The following POF1B variants were observed in gnomAD, a reference collection of about 807,000 sequenced individuals.
The protein encoded by POF1B is protein POF1B.
In POF1B, 53 loss-of-function variants were observed where a neutral mutation model predicts 55.3. The ratio of observed to expected loss-of-function variants is 0.96; its 90% CI spans 0.77 to 1.20. The LOEUF (loss-of-function observed/expected upper bound fraction) is 1.20. Ranked by LOEUF, POF1B falls within the 50% of genes most tolerant of loss-of-function variation. The pLI, the probability that POF1B is intolerant of heterozygous loss-of-function variation, is 0.00. For missense variants in POF1B, 478 were observed against 420.5 expected (o/e 1.14, Z -1.20); for synonymous variants, 188 against 148.3 (o/e 1.27, Z -1.95).
At chrX:85,289,858 C>T in intron 15 of POF1B, among the ~76,000 whole-genome samples, 1 of 111,168 alleles carries the variant, frequency 9.0e-6, no homozygotes, top group South Asian at 3.8e-4. Flanking sequence ...TTCAAAATGT[C>T]TAATTTTCGA....
At chrX:85,297,483 G>A (rs1164465313) in intron 15 of POF1B, among the ~76,000 whole-genome samples, 1 of 111,844 alleles carries the variant, frequency 8.9e-6, no homozygotes, top group Non-Finnish European at 1.9e-5. Flanking sequence ...GCTTCCAGAG[G>A]GCCAAGGCTC....
intron 6 of POF1B, among the ~76,000 whole-genome samples, chrX:85,341,940 C>G (rs1933181390): frequency 9.0e-6 from 1 of 111,175 alleles, no homozygotes; most frequent in Admixed American, 9.6e-5. Flanking sequence ...CCCATGACTA[C>G]AAAAGACTTC....
intron 7 of POF1B, among the ~76,000 whole-genome samples, chrX:85,330,585 G>A (rs1932958974): frequency 9.0e-6 from 1 of 111,284 alleles, no homozygotes; most frequent in South Asian, 3.7e-4. Flanking sequence ...TCCTAAAAGG[G>A]CTTGTGTTTT....
At chrX:85,357,899 G>A (rs753281778) in intron 4 of POF1B, among the ~76,000 whole-genome samples, 6 of 110,600 alleles carry the variant, frequency 5.4e-5, no homozygotes, top group Non-Finnish European at 1.1e-4. Flanking sequence ...AATGCTACTG[G>A]TTCAAATAAA....
chrX:85,321,437 G>T (rs375745401), intron 7 of POF1B, among the ~76,000 whole-genome samples: 1 of 109,554 alleles, frequency 9.1e-6, no homozygotes, highest in Non-Finnish European at 1.9e-5. Context: ...TTGATGGGAC[G>T]TATCTCAAAA....
chrX:85,336,175 A>T (rs895819292), intron 6 of POF1B, among the ~76,000 whole-genome samples: 2 of 110,969 alleles, frequency 1.8e-5, no homozygotes, highest in East Asian at 5.7e-4. Flanking sequence ...TGTTATTGTA[A>T]CTGACAGGAT....
chrX:85,298,654 G>A (rs1430480566), intron 15 of POF1B, among the ~76,000 whole-genome samples: 1 of 112,163 alleles, frequency 8.9e-6, no homozygotes, highest in Non-Finnish European at 1.9e-5. Context: ...GTCTTTTGTG[G>A]TGGGAGAAGT....
intron 15 of POF1B, among the ~76,000 whole-genome samples, chrX:85,297,488 A>G (rs1456519589): frequency 8.9e-6 from 1 of 112,140 alleles, no homozygotes; most frequent in African/African-American, 3.2e-5. Context: ...CAGAGGGCCA[A>G]GGCTCTGTAT....
rs1933258516 is a variant in POF1B at position 85,345,860 on chromosome X, C to T, written c.723G>A (p.Gln241=). The change falls in exon 6 of 17, where the codon CAG becomes CAA. Residue 241 remains glutamine (Q), a splice_region_variant and synonymous_variant. Coordinates refer to ENST00000262753, the MANE Select transcript of POF1B (RefSeq NM_024921.4). ...CHSGSSQICE[Q]VIIQDDGPEK... Reference sequence around the variant, plus strand: ...TAAGGAATCAGCTGATTGATCTTACCTGCTCACAAATCTGGCTTGATCCAC... The same window carrying T: ...TAAGGAATCAGCTGATTGATCTTACTTGCTCACAAATCTGGCTTGATCCAC... 8.4e-7 allele frequency: 1 copy of T among 1,191,688 alleles called. No individual in the cohort carries two copies. The highest frequency in any genetic ancestry group is 1.8e-5 in the African/African-American group (1 of 56,448).
intron 4 of POF1B, among the ~76,000 whole-genome samples, chrX:85,357,464 A>G (rs113274901): frequency 0.022 from 2,436 of 110,125 alleles, 65 homozygotes; most frequent in African/African-American, 0.076. Flanking sequence ...TTTTCAATTC[A>G]TCTCATCTTC....
rs372346235 is a variant in POF1B at position 85,351,386 on chromosome X, T to C, written c.504A>G (p.Lys168=). The change falls in exon 5 of 17, where the codon AAA becomes AAG. Residue 168 remains lysine (K), a synonymous_variant. Transcript: ENST00000262753. ...FFPGNNVIYE[K]TIRKVEKLNT... is the part of the protein sequence containing the mutation. ...TTAGCTTCTCCACTTTTCTTATTGT[T>C]TTTTCATAAATAACATTGTTTCCTG... 1.7e-6 allele frequency: 2 copies of C among 1,199,369 alleles called. No homozygotes were observed. The highest frequency in any genetic ancestry group is 2.3e-6 in the Non-Finnish European group (2 of 887,639).
At chrX:85,321,899 C>A (rs1932841918) in intron 7 of POF1B, among the ~76,000 whole-genome samples, 1 of 109,546 alleles carries the variant, frequency 9.1e-6, no homozygotes, top group Non-Finnish European at 1.9e-5. Context: ...ATGTGAAGGA[C>A]CTCTTCAAGG....
chrX:85,325,402 T>C (rs1278739162), intron 7 of POF1B, among the ~76,000 whole-genome samples: 1 of 112,166 alleles, frequency 8.9e-6, no homozygotes, highest in Non-Finnish European at 1.9e-5. Context: ...TCTTTTTCTC[T>C]GAGTTATTTT....
At chrX:85,309,116 G>T (rs759605700) in intron 9 of POF1B, among the ~76,000 whole-genome samples, 1 of 111,542 alleles carries the variant, frequency 9.0e-6, no homozygotes. Context: ...ATCAGACGTT[G>T]TTTAAGGTTT....
chrX:85,278,071 C>T lies in POF1B; in HGVS notation c.*1350G>A, dbSNP rs1369900558. On this transcript the variant is annotated 3_prime_UTR_variant, in exon 17 of 17. Transcript: ENST00000262753. The stretch of plus-strand genomic sequence containing the variant: ...ATGTTATGGAGCTTAACATTTTAGC[C>T]GAAATATTAAGATAATATAAATAAG... The T allele has an allele frequency of 2.7e-5, 3 of 110,377 alleles. No homozygotes were observed. The highest frequency in any genetic ancestry group is 9.8e-5 in the Admixed American group (1 of 10,240). The allele number at this position is 110,377 out of a possible 1,213,427, so 9.1% of individuals were successfully genotyped here.
intron 7 of POF1B, among the ~76,000 whole-genome samples, chrX:85,319,805 C>T (rs1348022164): frequency 1.8e-5 from 2 of 111,538 alleles, no homozygotes; most frequent in African/African-American, 6.5e-5. Flanking sequence ...CATCAATGTT[C>T]ATCAAGGATA....
chrX:85,342,113 A>G (rs1379201341), intron 6 of POF1B, among the ~76,000 whole-genome samples: 1 of 111,785 alleles, frequency 8.9e-6, no homozygotes, highest in African/African-American at 3.2e-5. Context: ...TGCTAATGAC[A>G]GGAAAATGAT....
intron 7 of POF1B, among the ~76,000 whole-genome samples, chrX:85,317,752 G>C (rs1327869430): frequency 9.0e-6 from 1 of 111,393 alleles, no homozygotes; most frequent in Non-Finnish European, 1.9e-5. Flanking sequence ...TAATTCTACT[G>C]TAAAGACACA....
chrX:85,321,709 A>C (rs764315768), intron 7 of POF1B, among the ~76,000 whole-genome samples: 1 of 99,350 alleles, frequency 1.0e-5, no homozygotes, highest in Non-Finnish European at 2.0e-5. Context: ...GTCTCAGCCC[A>C]AAATCTCCTT....
Sources: allele counts gnomAD v4.1 joint callset (sites outside exome capture counted in the v4.1 genomes callset), GRCh38; gene constraint gnomAD v4.1.1; transcripts MANE v1.5; gene names NCBI Gene and HGNC (gene_info 2026-07-23, HGNC 2026-07-21).